B3GALT1: variants seen among roughly 807,000 people sequenced by gnomAD.
B3GALT1 encodes beta-1,3-galactosyltransferase 1, also known as UDP-Gal:betaGlcNAc beta 1,3-galactosyltransferase, polypeptide 1.
In B3GALT1, 10 loss-of-function variants were observed where a neutral mutation model predicts 23.2. The observed-to-expected ratio is 0.43, with a 90% confidence interval of 0.27 to 0.73. The LOEUF (loss-of-function observed/expected upper bound fraction) is 0.73, where lower values mean the gene tolerates loss of function less well. B3GALT1 is among the 30% of genes least tolerant of loss of function. The probability of loss-of-function intolerance (pLI) is 0.21; values close to 1 mark genes in which losing one functional copy is unlikely to be tolerated. For missense variants in B3GALT1, 299 were observed against 405.4 expected (o/e 0.74, Z 2.25); for synonymous variants, 156 against 141.5 (o/e 1.10, Z -0.73).
intron 3 of B3GALT1, among the ~76,000 whole-genome samples, chr2:167,692,760 T>C (rs1686733908): frequency 6.6e-6 from 1 of 152,128 alleles, no homozygotes; most frequent in African/African-American, 2.4e-5. Context: ...AAATGCCAAG[T>C]GTCATCTACT....
At position 167,843,948 on chromosome 2, in the gene B3GALT1, A is replaced by T. The variant is rs1415096650; in HGVS notation, c.-229-24863A>T. On this transcript the variant is annotated intron_variant, in intron 4 of 4. Transcript: ENST00000392690. ...TTCTAGGACAAGGCTTTATAGAACC[A>T]AGAACAATGTCATCTGTCCCTATAT... 2.0e-5 allele frequency among the ~76,000 whole-genome samples: 3 copies of T among 152,236 alleles called. No homozygotes were observed. In the East Asian group the frequency reaches 5.8e-4, roughly 29 times the overall value.
intron 4 of B3GALT1, among the ~76,000 whole-genome samples, chr2:167,855,876 A>AAACT (rs1689991664): frequency 6.6e-6 from 1 of 152,138 alleles, no homozygotes; most frequent in East Asian, 1.9e-4. Flanking sequence ...ATTTCTTAGA[A>AAACT]AACTCACCTA....
intron 2 of B3GALT1, among the ~76,000 whole-genome samples, chr2:167,540,168 A>G (rs1683511984): frequency 1.3e-5 from 2 of 152,086 alleles, no homozygotes; most frequent in Non-Finnish European, 2.9e-5. Context: ...AGTGACATCC[A>G]TAGGAAAGAG....
intron 2 of B3GALT1, among the ~76,000 whole-genome samples, chr2:167,502,566 AGGAG>A (rs201895653): frequency 0.38 from 58,322 of 151,726 alleles, 11,994 homozygotes; most frequent in East Asian, 0.8. Context: ...GTGAAGAGGT[AGGAG>A]GCACATCTTA....
At chr2:167,454,056 G>A (rs1367847753) in intron 1 of B3GALT1, among the ~76,000 whole-genome samples, 8 of 152,158 alleles carry the variant, frequency 5.3e-5, no homozygotes, top group Non-Finnish European at 1.0e-4. Context: ...TCTGTGCACT[G>A]AGATTTTTTC....
chr2:167,325,029 A>G (rs752847516), intron 1 of B3GALT1, among the ~76,000 whole-genome samples: 82 of 152,098 alleles, frequency 5.4e-4, no homozygotes, highest in Admixed American at 7.2e-4. Flanking sequence ...AGTTCCATAC[A>G]TGTTGCTGCA....
intron 4 of B3GALT1, among the ~76,000 whole-genome samples, chr2:167,865,075 T>G (rs1574308699): frequency 6.6e-6 from 1 of 152,278 alleles, no homozygotes; most frequent in East Asian, 1.9e-4. Context: ...GTTTATGCAG[T>G]CCCTTCCCCC....
intron 2 of B3GALT1, among the ~76,000 whole-genome samples, chr2:167,566,087 A>G (rs1684159251): frequency 6.6e-6 from 1 of 152,094 alleles, no homozygotes; most frequent in Admixed American, 6.5e-5. Flanking sequence ...AATAGCAAAG[A>G]CTTGGAACAA....
chr2:167,714,418 A>C, intron 3 of B3GALT1: 1 of 1,558,026 alleles, frequency 6.4e-7, no homozygotes, highest in South Asian at 1.1e-5. Context: ...CTGGAAGCAC[A>C]GGTGAGAGTC....
chr2:167,638,584 T>C (rs1685599656), intron 2 of B3GALT1, among the ~76,000 whole-genome samples: 1 of 151,996 alleles, frequency 6.6e-6, no homozygotes, highest in South Asian at 2.1e-4. Flanking sequence ...GAGCTCAGAA[T>C]AGGAAATTTT....
intron 3 of B3GALT1, among the ~76,000 whole-genome samples, chr2:167,765,800 C>A (rs1249528255): frequency 6.6e-6 from 1 of 152,152 alleles, no homozygotes; most frequent in Admixed American, 6.6e-5. Flanking sequence ...AAATCATGAA[C>A]ATTGACTCTC....
At chr2:167,582,447 C>T (rs865900799) in intron 2 of B3GALT1, among the ~76,000 whole-genome samples, 2 of 152,168 alleles carry the variant, frequency 1.3e-5, no homozygotes, top group African/African-American at 4.8e-5. Context: ...TGTCTATTCT[C>T]TAAAACTGCT....
rs536767560 is a variant in B3GALT1, at chr2:167,668,467, G to T, written c.-352+21501G>T. Among the ~76,000 whole-genome samples, 119 of 152,280 alleles carry T rather than the reference G, an allele frequency of 7.8e-4. 3 individuals are homozygous for T. The South Asian group carries it at 0.024, about 31-fold the overall frequency. On this transcript the variant is annotated intron_variant, in intron 3 of 4. Coordinates refer to ENST00000392690, the MANE Select transcript of B3GALT1 (RefSeq NM_020981.4). ...GGCAGGCAGTCCTCCTTGAGCTGTGGTGGGCTTCACCCAGTTCGAGCTTCC... is the reference window on the plus strand; with the variant it reads ...GGCAGGCAGTCCTCCTTGAGCTGTGTTGGGCTTCACCCAGTTCGAGCTTCC...
At chr2:167,647,543 T>G (rs1229502713) in intron 3 of B3GALT1, among the ~76,000 whole-genome samples, 1 of 151,788 alleles carries the variant, frequency 6.6e-6, no homozygotes, top group Non-Finnish European at 1.5e-5. Flanking sequence ...TTGAAACCCT[T>G]AGAAAGAGTA....
chr2:167,359,217 T>C (rs565485165), intron 1 of B3GALT1, among the ~76,000 whole-genome samples: 1 of 152,368 alleles, frequency 6.6e-6, no homozygotes, highest in African/African-American at 2.4e-5. Flanking sequence ...AAAATTTTGT[T>C]GTCATTGCCA....
chr2:167,355,098 A>G (rs951846291), intron 1 of B3GALT1, among the ~76,000 whole-genome samples: 8 of 152,228 alleles, frequency 5.3e-5, no homozygotes, highest in Admixed American at 1.3e-4. Context: ...ATAGGCTTTA[A>G]CTAAGATAAT....
At chr2:167,470,148 T>C (rs1177153788) in intron 1 of B3GALT1, among the ~76,000 whole-genome samples, 1 of 152,150 alleles carries the variant, frequency 6.6e-6, no homozygotes, top group Non-Finnish European at 1.5e-5. Flanking sequence ...ATGTCTCTAT[T>C]TGATTTCTGC....
intron 1 of B3GALT1, among the ~76,000 whole-genome samples, chr2:167,353,219 A>G (rs1331548066): frequency 1.3e-5 from 2 of 152,186 alleles, no homozygotes; most frequent in Admixed American, 6.5e-5. Context: ...GAATATATAC[A>G]GGATAATTGG....
intron 2 of B3GALT1, among the ~76,000 whole-genome samples, chr2:167,552,859 A>C (rs1252590498): frequency 6.6e-6 from 1 of 152,186 alleles, no homozygotes; most frequent in African/African-American, 2.4e-5. Flanking sequence ...TTGTGTTTTT[A>C]ATCATACAGT....
Sources: gnomAD v4.1 joint callset for allele counts (sites outside exome capture counted in the v4.1 genomes callset) on GRCh38, gnomAD v4.1.1 for gene constraint, MANE v1.5 for transcripts, NCBI Gene and HGNC (gene_info 2026-07-23, HGNC 2026-07-21) for gene names.